LRP1B: variants seen among roughly 807,000 people sequenced by gnomAD.
The protein encoded by LRP1B is low-density lipoprotein receptor-related protein 1B.
LRP1B carries 217 observed loss-of-function variants against 556.6 expected under a neutral mutation model. The observed-to-expected ratio is 0.39, with a 90% CI of 0.35 to 0.44. The LOEUF (loss-of-function observed/expected upper bound fraction) is 0.44. LRP1B is among the 20% of genes least tolerant of loss of function. The pLI is 1.00. For missense variants in LRP1B, 5,053 were observed against 5,620.8 expected, an observed-to-expected ratio of 0.90 and a Z score of 3.23; for synonymous variants, 2,047 against 1,865.8, an observed-to-expected ratio of 1.10 and a Z score of -2.50.
At chr2:141,248,945 A>G (rs559923558) in intron 4 of LRP1B, among the ~76,000 whole-genome samples, 1 of 152,330 alleles carries the variant, frequency 6.6e-6, no homozygotes, top group South Asian at 2.1e-4. Context: ...AATAGACAAC[A>G]TTTGAAAAAT....
At chr2:140,408,933 G>T (rs1212127572) in intron 66 of LRP1B, among the ~76,000 whole-genome samples, 2 of 151,964 alleles carry the variant, frequency 1.3e-5, no homozygotes, top group Non-Finnish European at 2.9e-5. Context: ...AGGTCAGAAA[G>T]ATAGTCCTAT....
At chr2:140,388,274 G>A (rs1043510229) in intron 66 of LRP1B, among the ~76,000 whole-genome samples, 3 of 151,892 alleles carry the variant, frequency 2.0e-5, no homozygotes, top group African/African-American at 7.2e-5. Context: ...TAAAATGTTA[G>A]GATATAAGAA....
intron 1 of LRP1B, among the ~76,000 whole-genome samples, chr2:141,993,246 C>A (rs1363403915): frequency 6.6e-6 from 1 of 152,046 alleles, no homozygotes; most frequent in East Asian, 1.9e-4. Context: ...GTATCTGTTG[C>A]TAAACTGCTA....
Position 140,282,029 on chromosome 2 carries a change from G to A in LRP1B, c.12968-7431C>T, listed in dbSNP as rs867831555. Among the ~76,000 whole-genome samples, 8 of 151,856 alleles carry A rather than the reference G, an allele frequency of 5.3e-5. No individual in the cohort carries two copies. In the East Asian group the frequency reaches 5.8e-4, roughly 11 times the overall value. ...AAAATGGCCAGAATTTGAGGTACTG[G>A]AAGCCTAAGTCCAGTCCTTCCTCGG... is the stretch of plus-strand genomic sequence containing the variant. On this transcript the variant is annotated intron_variant, in intron 84 of 90. Coordinates refer to ENST00000389484, the MANE Select transcript of LRP1B (RefSeq NM_018557.3).
intron 32 of LRP1B, among the ~76,000 whole-genome samples, chr2:140,810,895 C>T (rs1012225355): frequency 4.6e-5 from 7 of 152,092 alleles, no homozygotes; most frequent in Non-Finnish European, 1.0e-4. Context: ...GCTACCATGA[C>T]TGGCTAATTT....
intron 32 of LRP1B, among the ~76,000 whole-genome samples, chr2:140,808,388 G>T (rs1294986386): frequency 6.6e-6 from 1 of 152,218 alleles, no homozygotes. Flanking sequence ...TATAAAAACT[G>T]TAAAATCAGC....
rs1682316870 is a variant in LRP1B, at chr2:140,358,067, A to G, written c.11307T>C (p.Cys3769=). 1 of 1,611,476 alleles carries G rather than the reference A, an allele frequency of 6.2e-7. No homozygotes were observed. The highest frequency in any genetic ancestry group is 8.5e-7 in the Non-Finnish European group (1 of 1,178,312). Residue 3769 remains cysteine, a synonymous_variant, in exon 74 of 91, where the codon TGT becomes TGC. Transcript: ENST00000389484. ...ARPCKKDEFA[C]SNKKCIPMDL... is the part of the protein sequence containing the mutation. ...CCATAGGGATGCATTTTTTATTACT[A>G]CAAGCAAACTCATCCTTTTTACAAG... is the stretch of plus-strand genomic sequence containing the variant.
At chr2:141,629,591 A>G (rs940331595) in intron 2 of LRP1B, among the ~76,000 whole-genome samples, 12 of 152,264 alleles carry the variant, frequency 7.9e-5, no homozygotes, top group Middle Eastern at 3.4e-3. Context: ...TTGCTTTTTT[A>G]AATATCCATT....
chr2:141,390,958 A>G (rs1213044568), intron 3 of LRP1B, among the ~76,000 whole-genome samples: 1 of 152,236 alleles, frequency 6.6e-6, no homozygotes, highest in Non-Finnish European at 1.5e-5. Flanking sequence ...ATCTGAGCAG[A>G]ATAGAGCAAA....
intron 3 of LRP1B, among the ~76,000 whole-genome samples, chr2:141,431,375 T>A (rs901273854): frequency 6.6e-6 from 1 of 152,072 alleles, no homozygotes; most frequent in Non-Finnish European, 1.5e-5. Context: ...GGCCTCCAGA[T>A]GACAGCCAGC....
At chr2:140,825,438 T>C (rs997222480) in intron 31 of LRP1B, among the ~76,000 whole-genome samples, 2 of 151,714 alleles carry the variant, frequency 1.3e-5, no homozygotes, top group East Asian at 1.9e-4. Context: ...TTTTTTTTTT[T>C]AGTTTTTTCT....
chr2:140,693,061 T>C (rs1276588562), intron 41 of LRP1B, among the ~76,000 whole-genome samples: 2 of 152,184 alleles, frequency 1.3e-5, no homozygotes, highest in Admixed American at 1.3e-4. Flanking sequence ...AGGCAATGTA[T>C]AATCAATTTA....
At chr2:141,987,549 G>GTTTTTTTTTTTTTTT (rs5834887) in intron 1 of LRP1B, among the ~76,000 whole-genome samples, 13 of 139,934 alleles carry the variant, frequency 9.3e-5, no homozygotes, top group Admixed American at 2.1e-4. Flanking sequence ...GATTTAAGCT[G>GTTTTTTTTTTTTTTT]TTTTTTTTTT....
chr2:141,439,686 T>C (rs1392927628), intron 3 of LRP1B, among the ~76,000 whole-genome samples: 2 of 152,132 alleles, frequency 1.3e-5, no homozygotes, highest in East Asian at 3.9e-4. Flanking sequence ...ATTAAGTCCC[T>C]TTTCTGTGTT....
At chr2:140,570,115 C>A (rs1440691689) in intron 43 of LRP1B, among the ~76,000 whole-genome samples, 2 of 151,278 alleles carry the variant, frequency 1.3e-5, no homozygotes, top group Non-Finnish European at 3.0e-5. Flanking sequence ...TAATAATGCA[C>A]CCTAAGGAAC....
chr2:140,265,612 CTA>C lies in LRP1B; in HGVS notation c.13247+4628_13247+4629del, dbSNP rs1363417245. ...TGCACAGTTCAAATAGTTTTTCACT[CTA>C]TGAAGAAAATAAAAATATATTACCA... is the stretch of plus-strand genomic sequence containing the variant. On this transcript the variant is annotated intron_variant, in intron 86 of 90. Transcript: ENST00000389484. Among the ~76,000 whole-genome samples, 11 of 152,096 alleles carry C rather than the reference CTA, an allele frequency of 7.2e-5. No individual in the cohort carries two copies. In the East Asian group the frequency reaches 1.7e-3, roughly 24 times the overall value.
chr2:140,683,751 C>A lies in LRP1B; in HGVS notation c.6799+16499G>T, dbSNP rs977569377. On this transcript the variant is annotated intron_variant, in intron 41 of 90. Coordinates refer to ENST00000389484, the MANE Select transcript of LRP1B (RefSeq NM_018557.3). ...CCCGGGCTAGTCGATCCATAGCCTT[C>A]TCAGTCTCTCTCTCCTGACAGGAGT... 10 of 958,756 alleles carry A rather than the reference C, an allele frequency of 1.0e-5. No homozygotes were observed. The African/African-American group carries it at 1.6e-4, about 16-fold the overall frequency. 59.4% of individuals were successfully genotyped at this position (958,756 alleles called of 1,614,324 possible). A position where few individuals can be genotyped will look rare whatever the true frequency, so the allele number is the denominator to read the frequency against.
In LRP1B at chr2:140,867,810, G is replaced by C. The variant is rs1248661225; in HGVS notation, c.4359C>G (p.Leu1453=). 6.3e-7 allele frequency: 1 copy of C among 1,580,902 alleles called. No individual in the cohort carries two copies. Among genetic ancestry groups the C allele is most frequent in the Non-Finnish European group, 8.6e-7 (1 of 1,163,354 alleles). ...DARSDAIYSA[L]YDGTNMIEII... ...TTTCTATCATGTTTGTTCCATCATA[G>C]AGGGCTGAATAAATAGCATCTGACC... The change falls in exon 27 of 91, where the codon CTC becomes CTG. Residue 1453 remains leucine, a synonymous_variant. Transcript: ENST00000389484.
At chr2:141,668,307 C>T (rs1051914781) in intron 2 of LRP1B, among the ~76,000 whole-genome samples, 4 of 152,080 alleles carry the variant, frequency 2.6e-5, no homozygotes, top group African/African-American at 9.7e-5. Flanking sequence ...TGGTGGTTCT[C>T]CAGCAAAGGC....
Sources: gnomAD v4.1 joint callset for allele counts (sites outside exome capture counted in the v4.1 genomes callset) on GRCh38, gnomAD v4.1.1 for gene constraint, MANE v1.5 for transcripts, NCBI Gene and HGNC (gene_info 2026-07-23, HGNC 2026-07-21) for gene names.